DGKB: variants seen among roughly 807,000 people sequenced by gnomAD.
DGKB encodes 90 kDa diacylglycerol kinase.
DGKB carries 67 observed loss-of-function variants against 114.3 expected under a neutral mutation model. The observed-to-expected ratio is 0.59, with a 90% CI of 0.48 to 0.72. The LOEUF (loss-of-function observed/expected upper bound fraction) is 0.72. DGKB is among the 30% of genes least tolerant of loss of function. DGKB has a pLI of 0.00. For missense variants in DGKB, 907 were observed against 975.2 expected, an observed-to-expected ratio of 0.93 and a Z score of 0.93; for synonymous variants, 398 against 323.1, an observed-to-expected ratio of 1.23 and a Z score of -2.49.
At chr7:14,697,287 G>C (rs1183869945) in intron 8 of DGKB, among the ~76,000 whole-genome samples, 2 of 152,000 alleles carry the variant, frequency 1.3e-5, no homozygotes, top group Non-Finnish European at 2.9e-5. Context: ...ACATATTTGG[G>C]TCTCAATTTA....
chr7:14,906,073 A>G (rs1344880550), upstream of DGKB, among the ~76,000 whole-genome samples: 2 of 152,104 alleles, frequency 1.3e-5, no homozygotes, highest in African/African-American at 2.4e-5. Flanking sequence ...TACAAACTCA[A>G]TCAATAAAGT....
intron 1 of DGKB, among the ~76,000 whole-genome samples, chr7:14,879,252 A>C (rs1853840981): frequency 1.3e-5 from 2 of 151,922 alleles, no homozygotes; most frequent in Non-Finnish European, 2.9e-5. Context: ...TATTCTGTTT[A>C]GATTCCTGAT....
intron 1 of DGKB, among the ~76,000 whole-genome samples, chr7:14,909,386 T>TA (rs1233219545): frequency 2.0e-5 from 3 of 152,200 alleles, no homozygotes; most frequent in Non-Finnish European, 4.4e-5. Flanking sequence ...TATATGCTTT[T>TA]AATAGCCTCT....
At chr7:14,747,775 G>GCGCGCGCGCGCGCGCGCGCGCACA in intron 4 of DGKB, among the ~76,000 whole-genome samples, 1 of 149,178 alleles carries the variant, frequency 6.7e-6, no homozygotes, top group African/African-American at 2.5e-5. Flanking sequence ...ACATCCACGC[G>GCGCGCGCGCGCGCGCGCGCGCACA]CACGCACACA....
intron 22 of DGKB, among the ~76,000 whole-genome samples, chr7:14,340,009 G>C (rs1811339179): frequency 6.6e-6 from 1 of 151,804 alleles, no homozygotes; most frequent in African/African-American, 2.4e-5. Context: ...CTGAAGCTAG[G>C]ATTGCATCTT....
intron 21 of DGKB, among the ~76,000 whole-genome samples, chr7:14,415,251 T>A (rs1248624695): frequency 1.3e-5 from 2 of 151,572 alleles, no homozygotes; most frequent in East Asian, 3.9e-4. Context: ...ATGACATTCA[T>A]ATATATACAT....
chr7:14,551,159 G>A (rs574135541), intron 20 of DGKB, among the ~76,000 whole-genome samples: 1 of 152,140 alleles, frequency 6.6e-6, no homozygotes, highest in Non-Finnish European at 1.5e-5. Context: ...GACTGACTAA[G>A]GCTGAAGGAT....
intron 13 of DGKB, among the ~76,000 whole-genome samples, chr7:14,661,266 C>T (rs1465612973): frequency 4.8e-5 from 7 of 146,990 alleles, no homozygotes; most frequent in African/African-American, 1.7e-4. Context: ...AGTGAACAGG[C>T]AACCTACAGA....
At chr7:14,662,931 C>G (rs746449434) in intron 13 of DGKB, among the ~76,000 whole-genome samples, 1 of 151,766 alleles carries the variant, frequency 6.6e-6, no homozygotes, top group Non-Finnish European at 1.5e-5. Context: ...ATTCACTTTT[C>G]AAATTACAGC....
At chr7:14,915,365 C>T (rs1052112220) in intron 1 of DGKB, among the ~76,000 whole-genome samples, 5 of 152,088 alleles carry the variant, frequency 3.3e-5, no homozygotes, top group African/African-American at 9.6e-5. Context: ...CCTGAATCAC[C>T]GAATGTGACC....
At chr7:14,937,387 T>C (rs1437838953) in intron 1 of DGKB, among the ~76,000 whole-genome samples, 2 of 152,072 alleles carry the variant, frequency 1.3e-5, no homozygotes, top group African/African-American at 4.8e-5. Context: ...ATTTTCAGCA[T>C]AATATGGGCA....
At chr7:14,743,567 G>A (rs1307181951) in intron 4 of DGKB, among the ~76,000 whole-genome samples, 3 of 152,098 alleles carry the variant, frequency 2.0e-5, no homozygotes, top group African/African-American at 7.2e-5. Flanking sequence ...AAGAAGAGAG[G>A]TAAACAGAAT....
intron 1 of DGKB, among the ~76,000 whole-genome samples, chr7:14,936,338 G>T (rs1314721916): frequency 6.6e-6 from 1 of 152,070 alleles, no homozygotes; most frequent in Non-Finnish European, 1.5e-5. Context: ...CTAAAATTGA[G>T]CATGAGGTCA....
At chr7:14,919,370 G>GA (rs935580678) in intron 1 of DGKB, among the ~76,000 whole-genome samples, 40 of 152,126 alleles carry the variant, frequency 2.6e-4, no homozygotes, top group Admixed American at 1.2e-3. Context: ...ATTCAATGGA[G>GA]AAAAAATAGT....
At chr7:14,420,897 C>T (rs1379976304) in intron 21 of DGKB, among the ~76,000 whole-genome samples, 1 of 152,026 alleles carries the variant, frequency 6.6e-6, no homozygotes, top group Non-Finnish European at 1.5e-5. Flanking sequence ...AGGAAAACCC[C>T]ACCTCTCCAT....
intron 21 of DGKB, among the ~76,000 whole-genome samples, chr7:14,435,570 A>G (rs568504771): frequency 6.6e-6 from 1 of 152,222 alleles, no homozygotes; most frequent in Non-Finnish European, 1.5e-5. Flanking sequence ...AAATGTTATT[A>G]TTTTTACTAC....
In DGKB at chr7:14,772,796, A is replaced by T. The variant is rs1837609631; in HGVS notation, c.71-15065T>A. Among the ~76,000 whole-genome samples, 4 of 152,232 alleles carry T rather than the reference A, an allele frequency of 2.6e-5. No individual in the cohort carries two copies. In the South Asian group the frequency reaches 6.2e-4, roughly 24 times the overall value. On this transcript the variant is annotated intron_variant, in intron 2 of 25. Coordinates refer to ENST00000402815, the MANE Select transcript of DGKB (RefSeq NM_001350709.2). Reference sequence around the variant, plus strand: ...TCCAGAGTCAAAACCACCAGGAGGAAATCATCCATTGTTTTCTTGTACTTG... The same window carrying T: ...TCCAGAGTCAAAACCACCAGGAGGATATCATCCATTGTTTTCTTGTACTTG...
intron 23 of DGKB, among the ~76,000 whole-genome samples, chr7:14,261,321 GT>G (rs1796747501): frequency 6.6e-6 from 1 of 151,468 alleles, no homozygotes; most frequent in African/African-American, 2.4e-5. Context: ...TGAATTTGTT[GT>G]TTTTAAATCA....
In DGKB at chr7:14,157,675, CAAAATATTTTT is replaced by C. The variant is rs1783223136; in HGVS notation, c.2305-8448_2305-8438del. 2.6e-5 allele frequency among the ~76,000 whole-genome samples: 4 copies of C among 152,094 alleles called. No homozygotes were observed. The South Asian group carries it at 8.3e-4, about 32-fold the overall frequency. ...AACATATAAATTGTGTTCTTCATTC[CAAAATATTTTT>C]GTGGCTCTAAGTTAGTTGTCAGGGA... On this transcript the variant is annotated intron_variant, in intron 25 of 25. Coordinates refer to ENST00000402815, the MANE Select transcript of DGKB (RefSeq NM_001350709.2).
Sources: gnomAD v4.1 joint callset for allele counts (sites outside exome capture counted in the v4.1 genomes callset) on GRCh38, gnomAD v4.1.1 for gene constraint, MANE v1.5 for transcripts, NCBI Gene and HGNC (gene_info 2026-07-23, HGNC 2026-07-21) for gene names.